PARP11: variants seen among roughly 807,000 people sequenced by gnomAD.
PARP11 encodes poly(ADP-ribose) polymerase family member 11.
In PARP11, 31 loss-of-function variants were observed where a neutral mutation model predicts 42.9. The observed-to-expected ratio is 0.72, with a 90% CI of 0.54 to 0.98. The LOEUF (loss-of-function observed/expected upper bound fraction) is 0.98, where lower values mean the gene tolerates loss of function less well. PARP11 is among the 50% of genes least tolerant of loss of function. PARP11 has a pLI of 0.00. For missense variants in PARP11, 365 were observed against 413.1 expected (o/e 0.88, Z 1.01); for synonymous variants, 137 against 127.3 (o/e 1.08, Z -0.51).
chr12:3,841,666 A>G, intron 1 of PARP11: 2 of 1,613,570 alleles, frequency 1.2e-6, no homozygotes, highest in Non-Finnish European at 1.7e-6. Context: ...AGAGTCACTG[A>G]GTGGCAAGAA....
chr12:3,848,936 G>A (rs1948046426), intron 1 of PARP11, among the ~76,000 whole-genome samples: 1 of 149,800 alleles, frequency 6.7e-6, no homozygotes. Context: ...AATATATAAG[G>A]AGCTCAAACA....
chr12:3,824,144 G>A (rs898059049), intron 4 of PARP11, among the ~76,000 whole-genome samples: 1 of 152,194 alleles, frequency 6.6e-6, no homozygotes, highest in Admixed American at 6.5e-5. Context: ...CCAAAAAGGT[G>A]TGTGATCAAA....
chr12:3,815,555 C>A (rs1345288416), intron 6 of PARP11, among the ~76,000 whole-genome samples: 1 of 152,142 alleles, frequency 6.6e-6, no homozygotes, highest in African/African-American at 2.4e-5. Context: ...CTTTAGTTAA[C>A]AAGAATCTGC....
At chr12:3,830,452 T>C (rs988116261) in intron 1 of PARP11, among the ~76,000 whole-genome samples, 9 of 152,356 alleles carry the variant, frequency 5.9e-5, no homozygotes, top group African/African-American at 1.4e-4. Context: ...AAGATATTTA[T>C]ATGGTGTTGA....
intron 1 of PARP11, among the ~76,000 whole-genome samples, chr12:3,866,314 C>G (rs896296880): frequency 7.2e-5 from 11 of 152,088 alleles, no homozygotes; most frequent in Admixed American, 3.9e-4. Flanking sequence ...TCTCAGTCTC[C>G]TTTGCACTTT....
intron 1 of PARP11, chr12:3,872,512 CAG>C (rs1459598623): frequency 1.2e-5 from 12 of 984,820 alleles, no homozygotes; most frequent in Non-Finnish European, 1.3e-5. Flanking sequence ...ATGAAAATAC[CAG>C]AGTCAGCCAA....
chr12:3,811,397 G>C lies in PARP11; in HGVS notation c.*726C>G, dbSNP rs896908271. On this transcript the variant is annotated 3_prime_UTR_variant, in exon 8 of 8. Coordinates refer to ENST00000228820, the MANE Select transcript of PARP11 (RefSeq NM_020367.6). ...CAAGTCGTGGTGTAAGAATCCAAGAGCCCTGATGGATGAAGTGTAGGCTAA... is the reference window on the plus strand; with the variant it reads ...CAAGTCGTGGTGTAAGAATCCAAGACCCCTGATGGATGAAGTGTAGGCTAA... 6.6e-6 allele frequency: 1 copy of C among 152,230 alleles called. No individual in the cohort carries two copies. The highest frequency in any genetic ancestry group is 1.5e-5 in the Non-Finnish European group (1 of 68,034). 9.4% of individuals were successfully genotyped at this position (152,230 alleles called of 1,614,324 possible). A position where few individuals can be genotyped will look rare whatever the true frequency, so the allele number is the denominator to read the frequency against.
At chr12:3,841,709 C>T in intron 1 of PARP11, 2 of 1,612,934 alleles carry the variant, frequency 1.2e-6, no homozygotes, top group East Asian at 4.5e-5. Flanking sequence ...GGACCCAATC[C>T]ATTCTTAGGC....
intron 1 of PARP11, among the ~76,000 whole-genome samples, chr12:3,844,292 A>G (rs960728580): frequency 7.2e-5 from 11 of 152,198 alleles, no homozygotes; most frequent in African/African-American, 2.7e-4. Flanking sequence ...TTTTGAGAGA[A>G]TCTATTGAAA....
At chr12:3,841,142 C>T in intron 1 of PARP11, 1 of 1,606,086 alleles carries the variant, frequency 6.2e-7, no homozygotes, top group Non-Finnish European at 8.5e-7. Context: ...TTGCCTCAGA[C>T]ATTGAGCCTT....
intron 1 of PARP11, 144 bp from the exon 2 acceptor site, chr12:3,830,162 A>G (rs563381956): frequency 2.1e-5 from 14 of 653,138 alleles, no homozygotes; most frequent in Admixed American, 5.9e-5. Flanking sequence ...TCTATCTTTC[A>G]TATTGGCTCT....
rs1289921604 is a variant in PARP11, at chr12:3,835,226, AC to A, written c.19-5209del. ...TCTACCTACCTCAGGGAATGTAAGCACAACCTGTGACCAGTACATAGTCTAT... is the reference window on the plus strand; with the variant it reads ...TCTACCTACCTCAGGGAATGTAAGCAAACCTGTGACCAGTACATAGTCTAT... On this transcript the variant is annotated intron_variant, in intron 1 of 7. Coordinates refer to ENST00000228820, the MANE Select transcript of PARP11 (RefSeq NM_020367.6). 4.6e-5 allele frequency among the ~76,000 whole-genome samples: 7 copies of A among 152,246 alleles called. No individual in the cohort carries two copies. In the East Asian group the frequency reaches 1.3e-3, roughly 29 times the overall value.
chr12:3,839,122 C>A (rs1388314826), intron 1 of PARP11, among the ~76,000 whole-genome samples: 1 of 151,020 alleles, frequency 6.6e-6, no homozygotes, highest in Admixed American at 6.6e-5. Flanking sequence ...GGCTCCCCTA[C>A]GCGCCCGGAG....
Position 3,840,792 on chromosome 12 carries a change from A to G in PARP11, c.19-10774T>C. 1.9e-6 allele frequency: 3 copies of G among 1,579,320 alleles called. No homozygotes were observed. The highest frequency in any genetic ancestry group is 2.6e-6 in the Non-Finnish European group (3 of 1,148,310). On this transcript the variant is annotated intron_variant, in intron 1 of 7. Coordinates refer to ENST00000228820, the MANE Select transcript of PARP11 (RefSeq NM_020367.6). The surrounding 1 kb of genome is among the most constrained non-coding windows in gnomAD (Gnocchi z 4.4). The stretch of plus-strand genomic sequence containing the variant: ...TATTGGAGAATATTACTGATGATAA[A>G]TATGCAACAGTTTCATCACCATCAA...
At position 3,861,151 on chromosome 12, in the gene PARP11, GGATAAAATGAATGTAAT is replaced by G. The variant is rs532363119; in HGVS notation, c.18+12044_18+12060del. ...ATCAGTTAAGACTCTGGGGTGATTGGGATAAAATGAATGTAATTTGCATGCAACGAAGACACAAATTT... is the reference window on the plus strand; with the variant it reads ...ATCAGTTAAGACTCTGGGGTGATTGGTTGCATGCAACGAAGACACAAATTT... On this transcript the variant is annotated intron_variant, in intron 1 of 7. Transcript: ENST00000228820. The surrounding 1 kb of genome is among the most constrained non-coding windows in gnomAD (Gnocchi z 4.6). 1.1e-4 allele frequency among the ~76,000 whole-genome samples: 16 copies of G among 152,288 alleles called. No individual in the cohort carries two copies. The highest frequency in any genetic ancestry group is 3.1e-4 in the African/African-American group (13 of 41,560).
chr12:3,865,766 T>C (rs1488491028), intron 1 of PARP11, among the ~76,000 whole-genome samples: 1 of 152,130 alleles, frequency 6.6e-6, no homozygotes, highest in East Asian at 1.9e-4. Context: ...AGACAACTTA[T>C]ACTTGGGTCT....
intron 1 of PARP11, chr12:3,841,714 T>A: frequency 3.1e-6 from 5 of 1,613,092 alleles, no homozygotes; most frequent in Non-Finnish European, 4.2e-6. Flanking sequence ...CAATCCATTC[T>A]TAGGCCCAGT....
chr12:3,833,320 C>T (rs768495643), intron 1 of PARP11, among the ~76,000 whole-genome samples: 1 of 152,094 alleles, frequency 6.6e-6, no homozygotes, highest in Non-Finnish European at 1.5e-5. Context: ...AACTAGTAGG[C>T]CGGGCGTGGT....
In PARP11 at chr12:3,861,852, G is replaced by A. The variant is rs1399170175; in HGVS notation, c.18+11360C>T. ...ATCCTGGCTAACACGGTGAAACCCC[G>A]TCTCTACCAAAAATACAAAAAAATT... On this transcript the variant is annotated intron_variant, in intron 1 of 7. Coordinates refer to ENST00000228820, the MANE Select transcript of PARP11 (RefSeq NM_020367.6). The surrounding 1 kb of genome is among the most constrained non-coding windows in gnomAD (Gnocchi z 4.6). 3.3e-5 allele frequency among the ~76,000 whole-genome samples: 5 copies of A among 151,782 alleles called. No individual in the cohort carries two copies. The highest frequency in any genetic ancestry group is 7.3e-5 in the African/African-American group (3 of 41,316).
Sources: gnomAD v4.1 joint callset for allele counts (sites outside exome capture counted in the v4.1 genomes callset) on GRCh38, gnomAD v4.1.1 for gene constraint, Gnocchi (gnomAD v3.1) non-coding constraint, MANE v1.5 for transcripts, NCBI Gene and HGNC (gene_info 2026-07-23, HGNC 2026-07-21) for gene names.